Variants in RPS6KC1 observed in about 807,000 individuals in gnomAD.
The protein encoded by RPS6KC1 is ribosomal protein S6 kinase C1.
RPS6KC1 carries 54 observed loss-of-function variants against 103.8 expected under a neutral mutation model. That is an observed-to-expected ratio of 0.52 (90% CI 0.42 to 0.65). The LOEUF (loss-of-function observed/expected upper bound fraction) is 0.65, where lower values mean the gene tolerates loss of function less well. Among genes scored for constraint, RPS6KC1 ranks in the 30% least tolerant of loss-of-function variants. RPS6KC1 has a pLI of 0.00. For missense variants in RPS6KC1, 1,151 were observed against 1,253.8 expected, an observed-to-expected ratio of 0.92 and a Z score of 1.24; for synonymous variants, 439 against 438.7, an observed-to-expected ratio of 1.00 and a Z score of -0.01.
chr1:213,538,761 T>C, the RPS6KC1 span, among the ~76,000 whole-genome samples: 8 of 152,204 alleles, frequency 5.3e-5, no homozygotes, highest in South Asian at 1.5e-3. Context: ...AGAACATGCA[T>C]TTTACTGGGG....
At chr1:213,230,141 G>A (rs1460440623) in intron 8 of RPS6KC1, among the ~76,000 whole-genome samples, 2 of 152,158 alleles carry the variant, frequency 1.3e-5, no homozygotes, top group African/African-American at 2.4e-5. Flanking sequence ...AGAAAATTGA[G>A]ACTTGAACAA....
the RPS6KC1 span, among the ~76,000 whole-genome samples, chr1:213,719,120 A>C: frequency 2.0e-5 from 3 of 152,262 alleles, no homozygotes; most frequent in African/African-American, 7.2e-5. Context: ...ATTATAAGAA[A>C]GCAGTGCCTA....
intron 2 of RPS6KC1, among the ~76,000 whole-genome samples, chr1:213,072,099 C>G (rs968992015): frequency 3.3e-5 from 5 of 151,214 alleles, no homozygotes; most frequent in Non-Finnish European, 5.9e-5. Context: ...GTGTTTAAAA[C>G]AGATACTTTA....
At chr1:213,090,665 T>C (rs2080883339) in intron 3 of RPS6KC1, among the ~76,000 whole-genome samples, 2 of 152,220 alleles carry the variant, frequency 1.3e-5, no homozygotes, top group Admixed American at 6.5e-5. Context: ...ATGGGAGATA[T>C]ATATGAATGA....
chr1:213,083,700 A>G (rs1397317934), intron 3 of RPS6KC1, among the ~76,000 whole-genome samples: 1 of 152,070 alleles, frequency 6.6e-6, no homozygotes, highest in Non-Finnish European at 1.5e-5. Context: ...TGAATCTTTG[A>G]GGCCAAAGAG....
chr1:213,453,249 A>C, the RPS6KC1 span, among the ~76,000 whole-genome samples: 1 of 152,192 alleles, frequency 6.6e-6, no homozygotes, highest in African/African-American at 2.4e-5. Context: ...TACATCAGGC[A>C]CTATGCTAGG....
chr1:213,465,194 C>T, the RPS6KC1 span, among the ~76,000 whole-genome samples: 1 of 152,174 alleles, frequency 6.6e-6, no homozygotes, highest in African/African-American at 2.4e-5. Context: ...TCTTCCCCTA[C>T]CCCCTCTCTT....
At chr1:213,829,365 T>C in the RPS6KC1 span, among the ~76,000 whole-genome samples, 2 of 150,688 alleles carry the variant, frequency 1.3e-5, no homozygotes, top group African/African-American at 4.9e-5. Context: ...AAGGATAAGA[T>C]ATTGATGACT....
At chr1:213,053,217 T>G (rs2148248840) in intron 1 of RPS6KC1, among the ~76,000 whole-genome samples, 1 of 152,340 alleles carries the variant, frequency 6.6e-6, no homozygotes, top group East Asian at 1.9e-4. Flanking sequence ...TCAACATACG[T>G]AATGTTTCTC....
intron 8 of RPS6KC1, among the ~76,000 whole-genome samples, chr1:213,207,968 C>T (rs534465006): frequency 3.9e-5 from 6 of 152,172 alleles, no homozygotes; most frequent in East Asian, 1.9e-4. Flanking sequence ...CCACCGTACC[C>T]GGTCTTGAAT....
intron 14 of RPS6KC1, among the ~76,000 whole-genome samples, chr1:213,265,681 G>A (rs1218259156): frequency 6.6e-6 from 1 of 152,136 alleles, no homozygotes; most frequent in African/African-American, 2.4e-5. Context: ...TGAGCAATTA[G>A]GTTTAATCAA....
intron 1 of RPS6KC1, among the ~76,000 whole-genome samples, chr1:213,059,000 G>C (rs950549953): frequency 6.6e-6 from 1 of 152,056 alleles, no homozygotes; most frequent in East Asian, 1.9e-4. Context: ...CCACTATTTC[G>C]TATTTTTGTA....
the RPS6KC1 span, among the ~76,000 whole-genome samples, chr1:213,299,539 G>A: frequency 1.7e-4 from 18 of 108,142 alleles, no homozygotes; most frequent in Middle Eastern, 6.6e-3. Context: ...GCAACAGAGC[G>A]AGACTCCATC....
At chr1:213,517,804 G>A in the RPS6KC1 span, among the ~76,000 whole-genome samples, 7 of 152,140 alleles carry the variant, frequency 4.6e-5, no homozygotes, top group African/African-American at 1.7e-4. Context: ...CTGTCTCGTC[G>A]ATCTGTCTAA....
chr1:213,780,675 T>G, the RPS6KC1 span, among the ~76,000 whole-genome samples: 106 of 152,260 alleles, frequency 7.0e-4, no homozygotes, highest in African/African-American at 2.2e-3. Flanking sequence ...AAGGCCCTAG[T>G]TGAAACCTGA....
the RPS6KC1 span, among the ~76,000 whole-genome samples, chr1:213,302,845 T>C: frequency 1.3e-5 from 2 of 152,234 alleles, no homozygotes; most frequent in South Asian, 2.1e-4. Flanking sequence ...TATTTTTGTA[T>C]ATTTTGTATA....
intron 1 of RPS6KC1, among the ~76,000 whole-genome samples, chr1:213,058,433 GT>G (rs755272556): frequency 1.5e-3 from 210 of 144,062 alleles, no homozygotes; most frequent in African/African-American, 3.3e-3. Flanking sequence ...CCATTTTGAG[GT>G]TTTTTTTTTT....
At chr1:213,444,298 G>T in the RPS6KC1 span, among the ~76,000 whole-genome samples, 1 of 152,128 alleles carries the variant, frequency 6.6e-6, no homozygotes, top group Non-Finnish European at 1.5e-5. Flanking sequence ...TCGTGCTAGG[G>T]GTTAGGATTC....
chr1:213,282,961 A>T, the RPS6KC1 span, among the ~76,000 whole-genome samples: 1 of 152,208 alleles, frequency 6.6e-6, no homozygotes, highest in Non-Finnish European at 1.5e-5. Context: ...GGTCCTAGGA[A>T]GTTGACTTAT....
Sources: gnomAD v4.1 joint callset for allele counts (sites outside exome capture counted in the v4.1 genomes callset) on GRCh38, gnomAD v4.1.1 for gene constraint, MANE v1.5 for transcripts, NCBI Gene and HGNC (gene_info 2026-07-23, HGNC 2026-07-21) for gene names.